ARHGAP42: variants seen among roughly 807,000 people sequenced by gnomAD.
The protein encoded by ARHGAP42 is rho GTPase-activating protein 42.
A neutral mutation model predicts 125.0 loss-of-function variants in ARHGAP42; 63 were observed. The ratio of observed to expected loss-of-function variants is 0.50; its 90% CI spans 0.41 to 0.62. The LOEUF (loss-of-function observed/expected upper bound fraction) is 0.62, where lower values mean the gene tolerates loss of function less well. Ranked by LOEUF, ARHGAP42 falls within the 20% of genes least tolerant of loss-of-function variation. The pLI is 0.00. For missense variants in ARHGAP42, 766 were observed against 1,024.2 expected, an observed-to-expected ratio of 0.75 and a Z score of 3.44; for synonymous variants, 339 against 351.0, an observed-to-expected ratio of 0.97 and a Z score of 0.38.
chr11:100,687,692 C>G lies in ARHGAP42; in HGVS notation c.14C>G (p.Thr5Ser). The part of the protein sequence containing the change: MGLP[T>S]LEFSDSYLDS... ...AGCGCCTGTGCCATGGGGCTGCCCA[C>G]TCTGGAGTTCAGCGATTCCTACTTG... Residue 5 changes from threonine to serine, a missense_variant, in exon 1 of 24, where the codon ACT becomes AGT. Thr to Ser is a moderately conservative substitution (Grantham distance 58). Around this residue, in one of 3 missense-constraint regions of ARHGAP42, gnomAD observed 455 missense variants for 636.5 expected, o/e 0.71. Coordinates refer to ENST00000298815, the MANE Select transcript of ARHGAP42 (RefSeq NM_152432.4). 1 of 1,541,122 alleles carries G rather than the reference C, an allele frequency of 6.5e-7. No homozygotes were observed. The highest frequency in any genetic ancestry group is 8.8e-7 in the Non-Finnish European group (1 of 1,142,250).
intron 6 of ARHGAP42, among the ~76,000 whole-genome samples, chr11:100,929,574 G>C (rs1198277190): frequency 6.6e-6 from 1 of 152,138 alleles, no homozygotes. Context: ...ACACACACTT[G>C]CTATTATCTC....
At chr11:100,726,511 A>G (rs2120290468) in intron 1 of ARHGAP42, among the ~76,000 whole-genome samples, 1 of 152,346 alleles carries the variant, frequency 6.6e-6, no homozygotes, top group East Asian at 1.9e-4. Context: ...GTACATTTTT[A>G]TGTGTAAGCA....
chr11:100,885,251 A>C (rs1866063487), intron 4 of ARHGAP42, among the ~76,000 whole-genome samples: 1 of 152,210 alleles, frequency 6.6e-6, no homozygotes, highest in African/African-American at 2.4e-5. Context: ...TAAACAGTTA[A>C]AATATTGGGC....
rs377480123 is a variant in ARHGAP42, at chr11:100,717,497, C to T, written c.154+29665C>T. Among the ~76,000 whole-genome samples, 8 of 151,780 alleles carry T rather than the reference C, an allele frequency of 5.3e-5. No individual in the cohort carries two copies. In the East Asian group the frequency reaches 7.7e-4, roughly 15 times the overall value. On this transcript the variant is annotated intron_variant, in intron 1 of 23. Transcript: ENST00000298815. ...CTAAAAATACAAAAAATTAGCTGGA[C>T]GTGGTGGCGGGCGCCTGTAATCCCA...
At chr11:100,699,326 ACT>A (rs1390502442) in intron 1 of ARHGAP42, among the ~76,000 whole-genome samples, 2 of 150,834 alleles carry the variant, frequency 1.3e-5, no homozygotes, top group Non-Finnish European at 3.0e-5. Flanking sequence ...AATCCTTCTA[ACT>A]CTTCCCATTT....
At chr11:100,770,162 A>G (rs1862939269) in intron 1 of ARHGAP42, among the ~76,000 whole-genome samples, 181 bp from the exon 2 acceptor site, 1 of 152,156 alleles carries the variant, frequency 6.6e-6, no homozygotes, top group African/African-American at 2.4e-5. Context: ...GTGTCTTTAA[A>G]TTTTGGTTAA....
At chr11:100,712,273 C>A (rs973589954) in intron 1 of ARHGAP42, among the ~76,000 whole-genome samples, 3 of 152,004 alleles carry the variant, frequency 2.0e-5, no homozygotes, top group Non-Finnish European at 4.4e-5. Context: ...TTAGAATTTA[C>A]TTATAATAGA....
Position 100,961,695 on chromosome 11 carries a change from C to T in ARHGAP42, c.1312C>T (p.Pro438Ser), listed in dbSNP as rs1333156833. 1.9e-6 allele frequency: 3 copies of T among 1,551,218 alleles called. No homozygotes were observed. The highest frequency in any genetic ancestry group is 2.4e-5 in the East Asian group (1 of 40,864). The change falls in exon 15 of 24, where the codon CCT becomes TCT. Residue 438 changes from proline to serine, a missense_variant. By Grantham distance (74) the Pro-to-Ser change is moderately conservative (BLOSUM62 -1). Transcript: ENST00000298815. ...LMNTTFSPKS[P>S]PDIDIDIELW... ...TTTATTCTTTCCAGCTCCTAAATCC[C>T]CTCCTGATATTGATATTGATATTGA...
chr11:100,702,439 T>C (rs560390135), intron 1 of ARHGAP42, among the ~76,000 whole-genome samples: 73 of 152,026 alleles, frequency 4.8e-4, no homozygotes, highest in African/African-American at 1.7e-3. Context: ...GATGTAGCAA[T>C]AATGAAGAAA....
At chr11:100,916,314 A>C (rs1156431878) in intron 5 of ARHGAP42, among the ~76,000 whole-genome samples, 1 of 152,250 alleles carries the variant, frequency 6.6e-6, no homozygotes, top group Non-Finnish European at 1.5e-5. Context: ...TCTGTTTTGA[A>C]AGACATTAAA....
intron 1 of ARHGAP42, among the ~76,000 whole-genome samples, chr11:100,764,326 T>G (rs900884570): frequency 3.3e-5 from 5 of 152,128 alleles, no homozygotes; most frequent in Non-Finnish European, 4.4e-5. Context: ...GCCTAGCCCC[T>G]CCCAGTTTTA....
chr11:100,947,463 A>T (rs986871290), intron 10 of ARHGAP42, among the ~76,000 whole-genome samples: 1 of 151,872 alleles, frequency 6.6e-6, no homozygotes, highest in Non-Finnish European at 1.5e-5. Context: ...AGGTTTTTTC[A>T]TCTTTAAATT....
chr11:100,841,224 C>A (rs143312160), intron 3 of ARHGAP42, among the ~76,000 whole-genome samples: 253 of 152,184 alleles, frequency 1.7e-3, no homozygotes, highest in African/African-American at 5.9e-3. Context: ...CTTGTTAGCT[C>A]TTGTCAGTGT....
chr11:100,865,827 A>G (rs1000147893), intron 4 of ARHGAP42, among the ~76,000 whole-genome samples: 5 of 152,170 alleles, frequency 3.3e-5, no homozygotes, highest in Non-Finnish European at 5.9e-5. Flanking sequence ...TTTCTGGTGA[A>G]GGATCTTGCC....
chr11:100,767,795 C>T (rs527360020), intron 1 of ARHGAP42, among the ~76,000 whole-genome samples: 1 of 152,236 alleles, frequency 6.6e-6, no homozygotes, highest in Admixed American at 6.5e-5. Context: ...CTTTATTTTA[C>T]ACTACATATA....
chr11:100,848,922 G>A (rs528744420), intron 3 of ARHGAP42, among the ~76,000 whole-genome samples: 3 of 152,204 alleles, frequency 2.0e-5, no homozygotes, highest in Admixed American at 6.5e-5. Context: ...CTGATTGTAC[G>A]CATCGTGATA....
chr11:100,962,746 C>T (rs945213461), intron 16 of ARHGAP42, among the ~76,000 whole-genome samples: 1 of 152,044 alleles, frequency 6.6e-6, no homozygotes, highest in Non-Finnish European at 1.5e-5. Flanking sequence ...CATGGTGGCA[C>T]ATGCCTGTAA....
chr11:100,796,059 G>C (rs1189791694), intron 3 of ARHGAP42, among the ~76,000 whole-genome samples: 2 of 151,982 alleles, frequency 1.3e-5, no homozygotes, highest in African/African-American at 4.8e-5. Context: ...CGTTTGTTTT[G>C]TTTTTGTTTT....
At chr11:100,802,641 G>A (rs200519110) in intron 3 of ARHGAP42, among the ~76,000 whole-genome samples, 1 of 151,338 alleles carries the variant, frequency 6.6e-6, no homozygotes, top group African/African-American at 2.4e-5. Flanking sequence ...CCCTGTTGGC[G>A]AGTCTCAAAC....
Sources: allele counts gnomAD v4.1 joint callset (sites outside exome capture counted in the v4.1 genomes callset), GRCh38; gene constraint gnomAD v4.1.1; regional missense constraint gnomAD v4.1.1; transcripts MANE v1.5; gene names NCBI Gene and HGNC (gene_info 2026-07-23, HGNC 2026-07-21).